ADAMTS12: variants seen among roughly 807,000 people sequenced by gnomAD.
The protein encoded by ADAMTS12 is A disintegrin and metalloproteinase with thrombospondin motifs 12.
Under a neutral mutation model 167.8 loss-of-function variants are expected in ADAMTS12, and 118 were observed. The ratio of observed to expected loss-of-function variants is 0.70; its 90% CI spans 0.61 to 0.82. ADAMTS12 has a LOEUF of 0.82. Ranked by LOEUF, ADAMTS12 falls within the 40% of genes least tolerant of loss-of-function variation. The pLI is 0.00. For missense variants in ADAMTS12, 1,916 were observed against 1,998.8 expected (o/e 0.96, Z 0.79); for synonymous variants, 704 against 716.9 (o/e 0.98, Z 0.29).
intron 16 of ADAMTS12, 61 bp downstream of exon 16, chr5:33,614,177 T>G (rs1738868763): frequency 2.5e-6 from 4 of 1,578,550 alleles, no homozygotes; most frequent in Non-Finnish European, 3.4e-6. Flanking sequence ...ACTGGTGTAA[T>G]CACCTCTACA....
Position 33,599,576 on chromosome 5 carries a change from T to C in ADAMTS12, c.2528-3516A>G, listed in dbSNP as rs139181393. Reference sequence around the variant, plus strand: ...TTTAGGCCTAGGGATGGTAGCCTTATTCCCCTGACCCTTCACTGTTAATGG... The same window carrying C: ...TTTAGGCCTAGGGATGGTAGCCTTACTCCCCTGACCCTTCACTGTTAATGG... On this transcript the variant is annotated intron_variant, in intron 16 of 23. Coordinates refer to ENST00000504830, the MANE Select transcript of ADAMTS12 (RefSeq NM_030955.4). 1.2e-4 allele frequency among the ~76,000 whole-genome samples: 19 copies of C among 152,264 alleles called. No homozygotes were observed. The East Asian group carries it at 3.7e-3, about 29-fold the overall frequency.
intron 2 of ADAMTS12, among the ~76,000 whole-genome samples, chr5:33,850,646 T>C (rs1749189047): frequency 6.6e-6 from 1 of 152,214 alleles, no homozygotes; most frequent in African/African-American, 2.4e-5. Flanking sequence ...ACAGTGTAAA[T>C]ATCTACTCTG....
intron 18 of ADAMTS12, among the ~76,000 whole-genome samples, chr5:33,584,277 G>C (rs2111992369): frequency 6.6e-6 from 1 of 152,060 alleles, no homozygotes; most frequent in African/African-American, 2.4e-5. Context: ...CAAAATGCTT[G>C]GTATGTATTT....
At chr5:33,543,145 G>T (rs1280623165) in intron 22 of ADAMTS12, among the ~76,000 whole-genome samples, 1 of 152,014 alleles carries the variant, frequency 6.6e-6, no homozygotes, top group Non-Finnish European at 1.5e-5. Context: ...AAAGAGAGAA[G>T]AATCAAATAG....
chr5:33,754,571 G>A (rs1036694688), intron 2 of ADAMTS12, among the ~76,000 whole-genome samples: 13 of 152,312 alleles, frequency 8.5e-5, no homozygotes, highest in South Asian at 6.2e-4. Flanking sequence ...GGCTGGGCAC[G>A]GTGGCTCATG....
intron 23 of ADAMTS12, among the ~76,000 whole-genome samples, chr5:33,528,049 T>C (rs1272123371): frequency 6.8e-6 from 1 of 146,848 alleles, no homozygotes; most frequent in Non-Finnish European, 1.5e-5. Flanking sequence ...TACAGGAAAA[T>C]GTGGTATATA....
chr5:33,885,694 C>T (rs930898286), intron 1 of ADAMTS12, among the ~76,000 whole-genome samples: 3 of 152,228 alleles, frequency 2.0e-5, no homozygotes, highest in Admixed American at 1.3e-4. Context: ...GTGCCCATTA[C>T]AGCTGGCTGC....
chr5:33,752,620 T>C (rs1745026786), intron 2 of ADAMTS12, among the ~76,000 whole-genome samples: 1 of 152,216 alleles, frequency 6.6e-6, no homozygotes, highest in African/African-American at 2.4e-5. Flanking sequence ...GGATCTCTGA[T>C]TCTATGTCAT....
intron 19 of ADAMTS12, among the ~76,000 whole-genome samples, chr5:33,564,226 C>T (rs1745893718): frequency 6.6e-6 from 1 of 152,130 alleles, no homozygotes. Flanking sequence ...AAGCTTGATC[C>T]TGAACAGATA....
At position 33,756,572 on chromosome 5, in the gene ADAMTS12, G is replaced by A. The variant is rs73759093; in HGVS notation, c.490-5024C>T. ...AGAAGCCTCAGAATAAAGAGAGGTGGGAGTAGGACCACCGGGAAGATTTCA... is the reference window on the plus strand; with the variant it reads ...AGAAGCCTCAGAATAAAGAGAGGTGAGAGTAGGACCACCGGGAAGATTTCA... On this transcript the variant is annotated intron_variant, in intron 2 of 23. Transcript: ENST00000504830. Among the ~76,000 whole-genome samples the A allele has an allele frequency of 9.3e-3, 1,419 of 152,108 alleles. 18 individuals are homozygous for A. Among genetic ancestry groups the A allele is most frequent in the African/African-American group, 0.033 (1,367 of 41,492 alleles).
chr5:33,548,403 G>A (rs1023198693), intron 21 of ADAMTS12, among the ~76,000 whole-genome samples: 1 of 152,092 alleles, frequency 6.6e-6, no homozygotes, highest in African/African-American at 2.4e-5. Context: ...ATAAAATAGG[G>A]TTAAAAATGC....
At chr5:33,609,191 C>T (rs1301595103) in intron 16 of ADAMTS12, among the ~76,000 whole-genome samples, 1 of 152,022 alleles carries the variant, frequency 6.6e-6, no homozygotes, top group African/African-American at 2.4e-5. Context: ...TTACACCTCA[C>T]ACAAAAAATA....
At chr5:33,649,749 G>C (rs769446922) in intron 7 of ADAMTS12, 52 bp from the exon 8 acceptor site, 1 of 1,595,432 alleles carries the variant, frequency 6.3e-7, no homozygotes, top group Admixed American at 1.7e-5. Context: ...GCATTAAACA[G>C]GAAGAAAAAC....
chr5:33,626,253 G>A lies in ADAMTS12; in HGVS notation c.2023-1902C>T, dbSNP rs150274253. Among the ~76,000 whole-genome samples the A allele has an allele frequency of 7.0e-3, 1,063 of 151,992 alleles. 5 individuals are homozygous for A. Among genetic ancestry groups the A allele is most frequent in the Non-Finnish European group, 0.012 (805 of 67,938 alleles). ...TGGTGATGGACAATAATGGTGGGGGGCAGGATGGTGGTAGTGGTGGGGGTG... is the reference window on the plus strand; with the variant it reads ...TGGTGATGGACAATAATGGTGGGGGACAGGATGGTGGTAGTGGTGGGGGTG... On this transcript the variant is annotated intron_variant, in intron 13 of 23. Coordinates refer to ENST00000504830, the MANE Select transcript of ADAMTS12 (RefSeq NM_030955.4).
intron 2 of ADAMTS12, among the ~76,000 whole-genome samples, chr5:33,844,137 G>A (rs1041929409): frequency 2.6e-5 from 4 of 152,130 alleles, no homozygotes; most frequent in African/African-American, 7.2e-5. Flanking sequence ...CATCTCGTAA[G>A]CTGAGGAGGA....
chr5:33,843,598 A>G (rs1334421276), intron 2 of ADAMTS12, among the ~76,000 whole-genome samples: 2 of 152,244 alleles, frequency 1.3e-5, no homozygotes, highest in Admixed American at 6.5e-5. Context: ...AGATATTTTC[A>G]TAAATATAAA....
chr5:33,814,116 T>C (rs755721595), intron 2 of ADAMTS12, among the ~76,000 whole-genome samples: 1 of 152,212 alleles, frequency 6.6e-6, no homozygotes, highest in Non-Finnish European at 1.5e-5. Flanking sequence ...TGAAATCCAA[T>C]GTATCAATCT....
At chr5:33,661,266 CAT>C (rs1455735807) in intron 6 of ADAMTS12, among the ~76,000 whole-genome samples, 3 of 152,270 alleles carry the variant, frequency 2.0e-5, no homozygotes. Context: ...AATGAGCAAA[CAT>C]AGCCTTCAAA....
intron 11 of ADAMTS12, among the ~76,000 whole-genome samples, chr5:33,638,036 C>T (rs1740277830): frequency 6.6e-6 from 1 of 152,152 alleles, no homozygotes; most frequent in Non-Finnish European, 1.5e-5. Flanking sequence ...CGAGTATGCT[C>T]CTTCTCTGAT....
Sources: gnomAD v4.1 joint callset for allele counts (sites outside exome capture counted in the v4.1 genomes callset) on GRCh38, gnomAD v4.1.1 for gene constraint, MANE v1.5 for transcripts, NCBI Gene and HGNC (gene_info 2026-07-23, HGNC 2026-07-21) for gene names.